Variants in ARB2A observed in about 807,000 individuals in gnomAD.
The protein encoded by ARB2A is ARB2 cotranscriptional regulator A, also known as cotranscriptional regulator ARB2A.
the ARB2A span, among the ~76,000 whole-genome samples, chr5:93,759,223 C>T: frequency 2.0e-4 from 31 of 152,146 alleles, no homozygotes; most frequent in Admixed American, 1.8e-3. Flanking sequence ...CTGAACAGAC[C>T]AATAACAAGC....
chr5:93,648,345 T>G, the ARB2A span, among the ~76,000 whole-genome samples: 1 of 152,110 alleles, frequency 6.6e-6, no homozygotes. Flanking sequence ...AAGAATATGA[T>G]TAAAATATGC....
chr5:94,083,829 A>C, the ARB2A span, among the ~76,000 whole-genome samples: 2 of 152,154 alleles, frequency 1.3e-5, no homozygotes, highest in South Asian at 2.1e-4. Context: ...CCTCTAAAAA[A>C]AAAAAAACAA....
the ARB2A span, chr5:93,618,919 C>G: frequency 6.6e-6 from 1 of 152,192 alleles, no homozygotes; most frequent in South Asian, 2.1e-4. Context: ...TTATTGTGCT[C>G]TAATTCAGGT....
chr5:93,776,177 A>C, the ARB2A span: 1 of 1,609,256 alleles, frequency 6.2e-7, no homozygotes, highest in South Asian at 1.1e-5. Flanking sequence ...ACCCGGGGGC[A>C]ATCAGGTAGC....
the ARB2A span, among the ~76,000 whole-genome samples, chr5:93,930,263 T>C: frequency 1.3e-5 from 2 of 152,214 alleles, no homozygotes; most frequent in African/African-American, 4.8e-5. Context: ...TACGAGAGTC[T>C]GTCTTGGATA....
the ARB2A span, among the ~76,000 whole-genome samples, chr5:93,920,802 A>T: frequency 6.6e-6 from 1 of 152,174 alleles, no homozygotes. Flanking sequence ...ATAATTTCGT[A>T]GCCATCTCCT....
chr5:93,960,133 C>T, the ARB2A span, among the ~76,000 whole-genome samples: 5 of 135,944 alleles, frequency 3.7e-5, no homozygotes, highest in Non-Finnish European at 6.2e-5. Flanking sequence ...CCAGTCATTA[C>T]GCTTAGGAAG....
At chr5:93,760,725 A>T in the ARB2A span, among the ~76,000 whole-genome samples, 1 of 152,236 alleles carries the variant, frequency 6.6e-6, no homozygotes, top group Non-Finnish European at 1.5e-5. Context: ...CTGGATCCTC[A>T]TCTGTCACCT....
the ARB2A span, among the ~76,000 whole-genome samples, chr5:93,751,409 T>G: frequency 6.6e-6 from 1 of 152,168 alleles, no homozygotes; most frequent in South Asian, 2.1e-4. Context: ...CAAAGAATAC[T>G]TAGACATCAA....
At chr5:93,745,803 T>G in the ARB2A span, among the ~76,000 whole-genome samples, 1 of 151,912 alleles carries the variant, frequency 6.6e-6, no homozygotes, top group Non-Finnish European at 1.5e-5. Flanking sequence ...CTCCCCACTC[T>G]GCAGATGTCC....
chr5:93,941,621 C>G, the ARB2A span, among the ~76,000 whole-genome samples: 1 of 152,120 alleles, frequency 6.6e-6, no homozygotes, highest in African/African-American at 2.4e-5. Context: ...CAAGAAAATA[C>G]AGAATTCAAA....
the ARB2A span, among the ~76,000 whole-genome samples, chr5:93,690,960 C>T: frequency 6.6e-6 from 1 of 150,892 alleles, no homozygotes; most frequent in Non-Finnish European, 1.5e-5. Context: ...CCTGTTAGAA[C>T]AAACAGAAGA....
chr5:93,847,158 A>G, the ARB2A span, among the ~76,000 whole-genome samples: 7 of 152,264 alleles, frequency 4.6e-5, no homozygotes, highest in East Asian at 9.6e-4. Context: ...TCATTCATTC[A>G]AGTTTGATCA....
chr5:94,016,878 G>C, the ARB2A span, among the ~76,000 whole-genome samples: 1 of 152,166 alleles, frequency 6.6e-6, no homozygotes, highest in Non-Finnish European at 1.5e-5. Context: ...TGTCTAAGTA[G>C]GGTTGAAGTT....
At chr5:93,843,516 C>T in the ARB2A span, among the ~76,000 whole-genome samples, 21 of 151,060 alleles carry the variant, frequency 1.4e-4, no homozygotes, top group Admixed American at 7.3e-4. Flanking sequence ...CTTGACCTCC[C>T]GGGCTCAAGT....
At chr5:94,098,436 T>G in the ARB2A span, among the ~76,000 whole-genome samples, 1 of 152,096 alleles carries the variant, frequency 6.6e-6, no homozygotes, top group Non-Finnish European at 1.5e-5. Flanking sequence ...TTGAAAATAA[T>G]GAGAACAAAG....
chr5:93,824,429 T>C, the ARB2A span, among the ~76,000 whole-genome samples: 1 of 151,810 alleles, frequency 6.6e-6, no homozygotes, highest in Non-Finnish European at 1.5e-5. Context: ...AAATTCAAAT[T>C]AGAGAATATG....
At chr5:94,005,280 T>C in the ARB2A span, among the ~76,000 whole-genome samples, 1 of 152,160 alleles carries the variant, frequency 6.6e-6, no homozygotes, top group Non-Finnish European at 1.5e-5. Context: ...CTCAGCTTAC[T>C]GCAACCTTTG....
At chr5:93,926,067 T>C in the ARB2A span, among the ~76,000 whole-genome samples, 1 of 152,172 alleles carries the variant, frequency 6.6e-6, no homozygotes, top group Non-Finnish European at 1.5e-5. Flanking sequence ...AGGCTAGGCC[T>C]GTGTACTCTA....
Sources: allele counts gnomAD v4.1 joint callset (sites outside exome capture counted in the v4.1 genomes callset), GRCh38; gene constraint gnomAD v4.1.1; transcripts MANE v1.5; gene names NCBI Gene and HGNC (gene_info 2026-07-23, HGNC 2026-07-21).